The following CSMD1 variants were observed in gnomAD, a reference collection of about 807,000 sequenced individuals.
CSMD1 encodes CUB and Sushi multiple domains 1, also known as CUB and sushi domain-containing protein 1.
In CSMD1, 213 loss-of-function variants were observed where a neutral mutation model predicts 417.5. That is an observed-to-expected ratio of 0.51 (90% confidence interval 0.46 to 0.57). The LOEUF (loss-of-function observed/expected upper bound fraction) is 0.57, where lower values mean the gene tolerates loss of function less well. Among genes scored for constraint, CSMD1 ranks in the 20% least tolerant of loss-of-function variants. The pLI, the probability that CSMD1 is intolerant of heterozygous loss-of-function variation, is 0.00. For synonymous variants in CSMD1, 2,862 were observed against 1,736.8 expected (o/e 1.65, Z -16.11); for missense variants, 6,923 against 4,529.7 (o/e 1.53, Z -15.17).
intron 12 of CSMD1, among the ~76,000 whole-genome samples, chr8:3,427,129 CAAG>C (rs1416798104): frequency 6.6e-6 from 1 of 152,130 alleles, no homozygotes; most frequent in Non-Finnish European, 1.5e-5. Context: ...TCCTTTGACA[CAAG>C]AAGATTATGG....
chr8:4,153,042 T>C (rs1796652969), intron 3 of CSMD1, among the ~76,000 whole-genome samples: 1 of 152,238 alleles, frequency 6.6e-6, no homozygotes, highest in South Asian at 2.1e-4. Context: ...AAATGACTTG[T>C]AACGTGTTAT....
At chr8:4,518,112 G>C (rs1803223686) in intron 2 of CSMD1, among the ~76,000 whole-genome samples, 1 of 152,120 alleles carries the variant, frequency 6.6e-6, no homozygotes, top group Admixed American at 6.5e-5. Flanking sequence ...GGAACATTCT[G>C]AATTACAGTA....
At chr8:4,524,089 G>T (rs1249495353) in intron 2 of CSMD1, among the ~76,000 whole-genome samples, 1 of 151,944 alleles carries the variant, frequency 6.6e-6, no homozygotes, top group Non-Finnish European at 1.5e-5. Flanking sequence ...CTAGACTCTG[G>T]AATAGTCCCA....
At chr8:4,991,484 C>T (rs559932272) in intron 1 of CSMD1, among the ~76,000 whole-genome samples, 2 of 152,320 alleles carry the variant, frequency 1.3e-5, no homozygotes, top group South Asian at 4.1e-4. Context: ...AAACAGGTCA[C>T]GAATTATGCC....
intron 50 of CSMD1, among the ~76,000 whole-genome samples, chr8:3,051,392 T>C (rs79416740): frequency 0.015 from 2,335 of 152,196 alleles, 54 homozygotes; most frequent in African/African-American, 0.051. Context: ...GAGCTAAACA[T>C]TGAGTCCACA....
At chr8:4,682,955 CATATATATATATATATAT>C (rs10566841) in intron 1 of CSMD1, among the ~76,000 whole-genome samples, 2,495 of 118,468 alleles carry the variant, frequency 0.021, 49 homozygotes, top group South Asian at 0.033. Context: ...TAAGTATCTT[CATATATATATATATATAT>C]ATATATATAT....
At chr8:4,231,320 A>G (rs1801713649) in intron 3 of CSMD1, among the ~76,000 whole-genome samples, 1 of 152,214 alleles carries the variant, frequency 6.6e-6, no homozygotes, top group Non-Finnish European at 1.5e-5. Flanking sequence ...TCATGGGTCC[A>G]ACCTCACATA....
At chr8:4,829,055 T>C (rs1326509705) in intron 1 of CSMD1, among the ~76,000 whole-genome samples, 1 of 152,204 alleles carries the variant, frequency 6.6e-6, no homozygotes, top group African/African-American at 2.4e-5. Flanking sequence ...GATAACTTAA[T>C]AGGTTACCTT....
chr8:4,905,208 G>A (rs541833745), intron 1 of CSMD1, among the ~76,000 whole-genome samples: 1 of 152,202 alleles, frequency 6.6e-6, no homozygotes, highest in Admixed American at 6.5e-5. Context: ...TATCTCATCT[G>A]TGATTTTCAT....
intron 5 of CSMD1, among the ~76,000 whole-genome samples, chr8:3,981,910 G>C (rs888091287): frequency 7.2e-5 from 11 of 152,056 alleles, no homozygotes; most frequent in African/African-American, 2.7e-4. Flanking sequence ...AGTTACAATT[G>C]CCTGTAATCC....
At chr8:4,450,059 G>C (rs1040307292) in intron 2 of CSMD1, among the ~76,000 whole-genome samples, 1 of 151,968 alleles carries the variant, frequency 6.6e-6, no homozygotes, top group Non-Finnish European at 1.5e-5. Flanking sequence ...CTTTTCTCCC[G>C]GACCAAGGAC....
At chr8:2,983,759 T>A (rs1405246407) in intron 54 of CSMD1, among the ~76,000 whole-genome samples, 1 of 152,244 alleles carries the variant, frequency 6.6e-6, no homozygotes. Flanking sequence ...GCCTAACTTC[T>A]TATTTTTGTA....
At chr8:4,712,967 C>T (rs903220451) in intron 1 of CSMD1, among the ~76,000 whole-genome samples, 4 of 152,160 alleles carry the variant, frequency 2.6e-5, no homozygotes, top group Non-Finnish European at 5.9e-5. Context: ...TCTATAAAGG[C>T]AAATCCACGG....
Position 3,190,873 on chromosome 8 carries a change from C to T in CSMD1, c.5195-758G>A, listed in dbSNP as rs555779666. 1.6e-4 allele frequency among the ~76,000 whole-genome samples: 24 copies of T among 152,234 alleles called. No homozygotes were observed. In the South Asian group the frequency reaches 2.9e-3, roughly 18 times the overall value. On this transcript the variant is annotated intron_variant, in intron 33 of 69. Coordinates refer to ENST00000635120, the MANE Select transcript of CSMD1 (RefSeq NM_033225.6). ...AAGCAAATAAGCAGCCACAGAAGAA[C>T]GAATACCTTATGATTCTACTTCTAT...
At chr8:3,418,613 G>A (rs1371003966) in intron 12 of CSMD1, among the ~76,000 whole-genome samples, 1 of 152,172 alleles carries the variant, frequency 6.6e-6, no homozygotes, top group East Asian at 1.9e-4. Flanking sequence ...CTGTGTCTCA[G>A]CTCAACAGGT....
chr8:3,489,529 A>G (rs1244862010), intron 11 of CSMD1, among the ~76,000 whole-genome samples: 3 of 152,238 alleles, frequency 2.0e-5, no homozygotes, highest in African/African-American at 7.2e-5. Flanking sequence ...AACAGTCTCA[A>G]TAGATGTACT....
chr8:3,140,175 A>AT (rs1175974050), intron 41 of CSMD1, among the ~76,000 whole-genome samples: 2 of 152,156 alleles, frequency 1.3e-5, no homozygotes, highest in East Asian at 3.9e-4. Flanking sequence ...AACTGCTGGG[A>AT]TTACAGGCGT....
intron 3 of CSMD1, among the ~76,000 whole-genome samples, chr8:4,271,312 G>C (rs758688855): frequency 6.6e-6 from 1 of 152,166 alleles, no homozygotes; most frequent in Non-Finnish European, 1.5e-5. Flanking sequence ...ACCCACAGAG[G>C]TTGGTGAAAT....
chr8:3,785,584 A>C (rs1479408814), intron 5 of CSMD1, among the ~76,000 whole-genome samples: 1 of 152,234 alleles, frequency 6.6e-6, no homozygotes, highest in Non-Finnish European at 1.5e-5. Context: ...AGAACACTTA[A>C]TTGGATCATT....
Sources: allele counts gnomAD v4.1 joint callset (sites outside exome capture counted in the v4.1 genomes callset), GRCh38; gene constraint gnomAD v4.1.1; transcripts MANE v1.5; gene names NCBI Gene and HGNC (gene_info 2026-07-23, HGNC 2026-07-21).